AKT3: variants seen among roughly 807,000 people sequenced by gnomAD.
AKT3 encodes the protein AKT serine/threonine kinase 3.
Under a neutral mutation model 65.3 loss-of-function variants are expected in AKT3, and 15 were observed. That is an observed-to-expected ratio of 0.23 (90% CI 0.15 to 0.35). The LOEUF (loss-of-function observed/expected upper bound fraction) is 0.35, where lower values mean the gene tolerates loss of function less well. AKT3 is among the 10% of genes least tolerant of loss of function. AKT3 has a pLI of 1.00. For synonymous variants in AKT3, 206 were observed against 183.8 expected, an observed-to-expected ratio of 1.12 and a Z score of -0.98; for missense variants, 243 against 576.5, an observed-to-expected ratio of 0.42 and a Z score of 5.92.
intron 2 of AKT3, among the ~76,000 whole-genome samples, chr1:243,708,457 TA>T (rs1685944422): frequency 6.6e-6 from 1 of 152,002 alleles, no homozygotes; most frequent in Admixed American, 6.6e-5. Context: ...ATCATACTAA[TA>T]AAAACAAATT....
intron 2 of AKT3, among the ~76,000 whole-genome samples, chr1:243,730,128 T>C (rs765317367): frequency 5.9e-5 from 9 of 152,122 alleles, no homozygotes; most frequent in Non-Finnish European, 1.3e-4. Context: ...TTTCAGCCAA[T>C]GAAATGGTGT....
chr1:243,585,480 C>A (rs1445659989), intron 8 of AKT3, among the ~76,000 whole-genome samples: 1 of 151,902 alleles, frequency 6.6e-6, no homozygotes, highest in African/African-American at 2.4e-5. Flanking sequence ...AAATTACCTG[C>A]CTTCGAACCA....
At chr1:243,531,281 T>C (rs1439560654) in intron 12 of AKT3, among the ~76,000 whole-genome samples, 1 of 151,966 alleles carries the variant, frequency 6.6e-6, no homozygotes, top group Non-Finnish European at 1.5e-5. Context: ...TTGGTAAAGG[T>C]GGGGTTTTGC....
At chr1:243,646,926 T>A (rs1371500571) in intron 4 of AKT3, among the ~76,000 whole-genome samples, 1 of 152,220 alleles carries the variant, frequency 6.6e-6, no homozygotes, top group Non-Finnish European at 1.5e-5. Context: ...CATTTGGTTA[T>A]CAGACCAAGG....
chr1:243,603,497 A>T (rs1677166285), intron 8 of AKT3, among the ~76,000 whole-genome samples: 1 of 152,184 alleles, frequency 6.6e-6, no homozygotes, highest in South Asian at 2.1e-4. Flanking sequence ...GTCTCACTGC[A>T]TCTACAGCTG....
chr1:243,822,946 C>G (rs934257950), intron 2 of AKT3, among the ~76,000 whole-genome samples: 1 of 152,102 alleles, frequency 6.6e-6, no homozygotes, highest in Non-Finnish European at 1.5e-5. Context: ...CAGCAACAAC[C>G]TGACACCAAA....
chr1:243,648,216 C>A (rs1458068070), intron 4 of AKT3, among the ~76,000 whole-genome samples: 1 of 150,562 alleles, frequency 6.6e-6, no homozygotes, highest in Non-Finnish European at 1.5e-5. Context: ...TGAAATCACA[C>A]CATGGCACTC....
At position 243,572,256 on chromosome 1, in the gene AKT3, A is replaced by G. The variant is rs1674616722; in HGVS notation, c.819+670T>C. ...TATTTTGTTTACTGGAACATAGCCAAACATATTCATTTACATACTATCTGA... is the reference window on the plus strand; with the variant it reads ...TATTTTGTTTACTGGAACATAGCCAGACATATTCATTTACATACTATCTGA... On this transcript the variant is annotated intron_variant, in intron 9 of 13. Coordinates refer to ENST00000673466, the MANE Select transcript of AKT3 (RefSeq NM_005465.7). Among the ~76,000 whole-genome samples, 10 of 152,182 alleles carry G rather than the reference A, an allele frequency of 6.6e-5. 1 individual carries two copies. The highest frequency in any genetic ancestry group is 6.5e-4 in the Admixed American group (10 of 15,272).
At chr1:243,606,871 A>C (rs1677468088) in intron 8 of AKT3, among the ~76,000 whole-genome samples, 1 of 152,250 alleles carries the variant, frequency 6.6e-6, no homozygotes, top group Non-Finnish European at 1.5e-5. Flanking sequence ...GGTGCCCTGC[A>C]TCCCAACTGC....
At chr1:243,673,937 T>A (rs1241008871) in intron 3 of AKT3, among the ~76,000 whole-genome samples, 1 of 152,156 alleles carries the variant, frequency 6.6e-6, no homozygotes, top group Non-Finnish European at 1.5e-5. Context: ...GCTATTTATA[T>A]TTGAAACATG....
At chr1:243,511,137 A>G (rs990277778) in intron 13 of AKT3, among the ~76,000 whole-genome samples, 1 of 152,236 alleles carries the variant, frequency 6.6e-6, no homozygotes, top group African/African-American at 2.4e-5. Context: ...GCTCACTTCA[A>G]TGGATTGGTA....
intron 8 of AKT3, among the ~76,000 whole-genome samples, chr1:243,577,157 G>C (rs1674999716): frequency 6.6e-6 from 1 of 152,068 alleles, no homozygotes; most frequent in South Asian, 2.1e-4. Context: ...TTGCTTGATT[G>C]AATGATTGAG....
At chr1:243,771,343 C>G (rs1439490415) in intron 2 of AKT3, among the ~76,000 whole-genome samples, 1 of 152,066 alleles carries the variant, frequency 6.6e-6, no homozygotes, top group Non-Finnish European at 1.5e-5. Context: ...GGGCACAGAC[C>G]ATGTGTTTTC....
At chr1:243,808,049 G>A (rs1452169454) in intron 2 of AKT3, 1 of 152,108 alleles carries the variant, frequency 6.6e-6, no homozygotes, top group African/African-American at 2.4e-5. Context: ...CATCATCAAA[G>A]ACCAAAGGCA....
At chr1:243,636,000 T>C (rs1300975248) in intron 6 of AKT3, among the ~76,000 whole-genome samples, 1 of 152,068 alleles carries the variant, frequency 6.6e-6, no homozygotes, top group East Asian at 1.9e-4. Context: ...ATATACGTAG[T>C]TCTGTACAGT....
intron 2 of AKT3, among the ~76,000 whole-genome samples, chr1:243,795,767 G>A (rs571673223): frequency 2.6e-4 from 39 of 152,172 alleles, no homozygotes; most frequent in Middle Eastern, 3.4e-3. Context: ...CACCGCGCCC[G>A]GCCGATCTCC....
chr1:243,570,413 T>C (rs1057188254), intron 9 of AKT3, among the ~76,000 whole-genome samples: 1 of 152,214 alleles, frequency 6.6e-6, no homozygotes, highest in South Asian at 2.1e-4. Context: ...GCAGTTTAAT[T>C]TGAAGTTTAG....
At chr1:243,647,014 A>G (rs2147850189) in intron 4 of AKT3, among the ~76,000 whole-genome samples, 1 of 152,346 alleles carries the variant, frequency 6.6e-6, no homozygotes, top group East Asian at 1.9e-4. Flanking sequence ...CTGGAATTAC[A>G]TTAAATCTAT....
At chr1:243,760,911 ATAT>A (rs1558786815) in intron 2 of AKT3, among the ~76,000 whole-genome samples, 1 of 152,210 alleles carries the variant, frequency 6.6e-6, no homozygotes, top group Non-Finnish European at 1.5e-5. Flanking sequence ...TTAATAAATA[ATAT>A]TAAATAAGAT....
Sources: allele counts gnomAD v4.1 joint callset (sites outside exome capture counted in the v4.1 genomes callset), GRCh38; gene constraint gnomAD v4.1.1; transcripts MANE v1.5; gene names NCBI Gene and HGNC (gene_info 2026-07-23, HGNC 2026-07-21).